CCDC40: variants seen among roughly 807,000 people sequenced by gnomAD.
The protein encoded by CCDC40 is coiled-coil domain-containing protein 40.
CCDC40 carries 104 observed loss-of-function variants against 124.5 expected under a neutral mutation model. The observed-to-expected ratio is 0.84, with a 90% CI of 0.71 to 0.98. The LOEUF is 0.98. CCDC40 is among the 50% of genes least tolerant of loss of function. The pLI, the probability that CCDC40 is intolerant of heterozygous loss-of-function variation, is 0.00. For missense variants in CCDC40, 1,463 were observed against 1,503.9 expected (o/e 0.97, Z 0.45); for synonymous variants, 580 against 602.9 (o/e 0.96, Z 0.56).
intron 10 of CCDC40, 144 bp from the exon 11 acceptor site, chr17:80,081,402 A>ATAAATAAATAAATAAATAAC (rs2038444465): frequency 1.7e-6 from 1 of 573,462 alleles, no homozygotes; most frequent in Non-Finnish European, 3.0e-6. Flanking sequence ...AAATAAATAA[A>ATAAATAAATAAATAAATAAC]TAAATAAATA....
chr17:80,078,103 G>A (rs1472785959), intron 10 of CCDC40, among the ~76,000 whole-genome samples: 2 of 152,064 alleles, frequency 1.3e-5, no homozygotes, highest in African/African-American at 4.8e-5. Flanking sequence ...AGGCCAAGGT[G>A]GGCGGATCAC....
At chr17:80,073,594 T>G (rs996698059) in intron 10 of CCDC40, among the ~76,000 whole-genome samples, 2 of 152,196 alleles carry the variant, frequency 1.3e-5, no homozygotes, top group Non-Finnish European at 2.9e-5. Context: ...TCTGTCCCTC[T>G]CCTTGGGCCT....
At chr17:80,049,609 G>T (rs2037526346) in intron 5 of CCDC40, among the ~76,000 whole-genome samples, 1 of 152,086 alleles carries the variant, frequency 6.6e-6, no homozygotes, top group Non-Finnish European at 1.5e-5. Context: ...AAGGAGCTGG[G>T]GGCTGCACAG....
intron 9 of CCDC40, among the ~76,000 whole-genome samples, chr17:80,062,636 C>CT (rs1247008412): frequency 1.3e-5 from 2 of 152,068 alleles, no homozygotes; most frequent in Admixed American, 1.3e-4. Flanking sequence ...CTGGAGTGCA[C>CT]TGGGGCCCTC....
Position 80,073,358 on chromosome 17 carries a change from T to C in CCDC40, c.1562+7752T>C, listed in dbSNP as rs533542637. ...TCCACCGGCACCATCTCTCCAGCGG[T>C]GCGTGCTCACTTCCTGCCTCTGCAC... On this transcript the variant is annotated intron_variant, in intron 10 of 19. Coordinates refer to ENST00000397545, the MANE Select transcript of CCDC40 (RefSeq NM_017950.4). Among the ~76,000 whole-genome samples the C allele has an allele frequency of 2.0e-5, 3 of 152,306 alleles. No homozygotes were observed. In the East Asian group the frequency reaches 5.8e-4, roughly 29 times the overall value.
In CCDC40 at chr17:80,048,581, A is replaced by G. The variant is rs752419274; in HGVS notation, c.677-2A>G. 1.2e-6 allele frequency: 2 copies of G among 1,612,060 alleles called. No homozygotes were observed. Among genetic ancestry groups the G allele is most frequent in the East Asian group, 4.5e-5 (2 of 44,864 alleles). ...CAATGGTGTCGCTGTCTCTCCCCCCAGTGATCCCCCCAGGGGTGCCCGATG... is the reference window on the plus strand; with the variant it reads ...CAATGGTGTCGCTGTCTCTCCCCCCGGTGATCCCCCCAGGGGTGCCCGATG... On this transcript the variant is annotated splice_acceptor_variant, in intron 4 of 19. Transcript: ENST00000397545. LOFTEE classifies it high-confidence loss of function.
chr17:80,068,312 C>T (rs775178781), intron 10 of CCDC40, among the ~76,000 whole-genome samples: 2 of 152,150 alleles, frequency 1.3e-5, no homozygotes, highest in African/African-American at 2.4e-5. Context: ...GGATTACAGG[C>T]GGGAGCCACT....
intron 3 of CCDC40, among the ~76,000 whole-genome samples, chr17:80,041,353 C>T (rs1047102836): frequency 6.6e-6 from 1 of 151,858 alleles, no homozygotes; most frequent in Admixed American, 6.6e-5. Flanking sequence ...ACTAAAAATA[C>T]AAAAATTAGC....
In CCDC40 at chr17:80,040,085, C is replaced by T. The variant is rs1462361987; in HGVS notation, c.367C>T (p.Leu123=). 1.9e-6 allele frequency: 3 copies of T among 1,614,100 alleles called. No individual in the cohort carries two copies. Among genetic ancestry groups the T allele is most frequent in the Non-Finnish European group, 2.5e-6 (3 of 1,179,924 alleles). ...CCCGTATTTCAGTCCTCCTCAGGAA[C>T]TGCCTGGAGAGGAGGCATACGATAG... The part of the protein sequence containing the change: ...TYPYFSPPQE[L]PGEEAYDSVS... Residue 123 remains leucine (L), a synonymous_variant, in exon 3 of 20, where the codon CTG becomes TTG. Coordinates refer to ENST00000397545, the MANE Select transcript of CCDC40 (RefSeq NM_017950.4).
intron 17 of CCDC40, among the ~76,000 whole-genome samples, chr17:80,094,044 G>A (rs966968473): frequency 6.6e-5 from 10 of 151,974 alleles, no homozygotes; most frequent in African/African-American, 1.7e-4. Context: ...GCTTATCTTC[G>A]GGATTCTTGC....
At chr17:80,079,408 C>T (rs118137890) in intron 10 of CCDC40, among the ~76,000 whole-genome samples, 2,773 of 152,244 alleles carry the variant, frequency 0.018, 47 homozygotes, top group Non-Finnish European at 0.03. Context: ...GTGTGTCCCG[C>T]TCTGCAGCTT....
intron 1 of CCDC40, among the ~76,000 whole-genome samples, chr17:80,037,688 A>AAAAAAAAAAATATATATATAT: frequency 4.5e-3 from 207 of 45,650 alleles, no homozygotes; most frequent in African/African-American, 0.012. Context: ...TTTTTTAAAA[A>AAAAAAAAAAATATATATATAT]AGATATACAT....
intron 10 of CCDC40, chr17:80,067,607 G>C (rs2038079329): frequency 6.5e-7 from 1 of 1,536,250 alleles, no homozygotes; most frequent in African/African-American, 1.4e-5. Flanking sequence ...GAAGCTTCCT[G>C]CCCGGGGCAT....
rs150299575 is a variant in CCDC40 at position 80,097,691 on chromosome 17, T to A, written c.3180+288T>A. 1.9e-3 allele frequency: 845 copies of A among 440,770 alleles called. 9 individuals are homozygous for A. The highest frequency in any genetic ancestry group is 0.016 in the African/African-American group (798 of 50,574). The allele number at this position is 440,770 out of a possible 1,614,324, so 27.3% of individuals were successfully genotyped here. ...CAAACATTCCTGTGCTCTTAGAGGT[T>A]ACCTCCTGGGGCAGGAGGACAGATG... On this transcript the variant is annotated intron_variant, in intron 19 of 19. Coordinates refer to ENST00000397545, the MANE Select transcript of CCDC40 (RefSeq NM_017950.4).
intron 9 of CCDC40, among the ~76,000 whole-genome samples, chr17:80,059,598 C>T (rs866655553): frequency 2.0e-5 from 3 of 149,462 alleles, no homozygotes; most frequent in Non-Finnish European, 4.4e-5. Context: ...CTCGCTCTGT[C>T]GCCCAGGCTG....
chr17:80,092,803 C>A (rs893828513), intron 17 of CCDC40, among the ~76,000 whole-genome samples: 2 of 152,078 alleles, frequency 1.3e-5, no homozygotes, highest in Admixed American at 6.5e-5. Context: ...TGGATCGTTT[C>A]AGTAGCTTAT....
chr17:80,091,657 T>G (rs1452137567), intron 17 of CCDC40, among the ~76,000 whole-genome samples: 1 of 152,148 alleles, frequency 6.6e-6, no homozygotes, highest in African/African-American at 2.4e-5. Context: ...CCCTCACAGT[T>G]CTACCCAAAA....
At chr17:80,038,083 G>C (rs1239157707) in intron 1 of CCDC40, 40 bp from the exon 2 acceptor site, 3 of 1,403,112 alleles carry the variant, frequency 2.1e-6, no homozygotes, top group Non-Finnish European at 3.0e-6. Flanking sequence ...GAAAAAGAAA[G>C]CTGTTGCTTG....
At chr17:80,037,688 A>AAAAATATATATATATATATATAT in intron 1 of CCDC40, among the ~76,000 whole-genome samples, 3 of 45,678 alleles carry the variant, frequency 6.6e-5, no homozygotes, top group African/African-American at 1.8e-4. Context: ...TTTTTTAAAA[A>AAAAATATATATATATATATATAT]AGATATACAT....
Sources: gnomAD v4.1 joint callset for allele counts (sites outside exome capture counted in the v4.1 genomes callset) on GRCh38, gnomAD v4.1.1 for gene constraint, MANE v1.5 for transcripts, NCBI Gene and HGNC (gene_info 2026-07-23, HGNC 2026-07-21) for gene names.